The following ATP2B2 variants were observed in gnomAD, a reference collection of about 807,000 sequenced individuals.
ATP2B2 encodes the protein plasma membrane calcium-transporting ATPase 2.
Under a neutral mutation model 120.0 loss-of-function variants are expected in ATP2B2, and 15 were observed. That is an observed-to-expected ratio of 0.12 (90% CI 0.08 to 0.19). The LOEUF is 0.19. Among genes scored for constraint, ATP2B2 ranks in the 10% least tolerant of loss-of-function variants. The pLI is 1.00. For missense variants in ATP2B2, 1,045 were observed against 1,719.8 expected (o/e 0.61, Z 6.94); for synonymous variants, 694 against 700.3 (o/e 0.99, Z 0.14).
intron 2 of ATP2B2, among the ~76,000 whole-genome samples, chr3:10,615,692 C>G (rs1207490249): frequency 1.3e-5 from 2 of 152,196 alleles, no homozygotes; most frequent in Non-Finnish European, 2.9e-5. Flanking sequence ...TAGTCCTTCT[C>G]TCCACCACTG....
intron 2 of ATP2B2, among the ~76,000 whole-genome samples, chr3:10,549,085 T>C (rs2067611526): frequency 6.6e-6 from 1 of 152,186 alleles, no homozygotes; most frequent in Admixed American, 6.5e-5. Context: ...ATTGTGGGGA[T>C]CAGGTTAAAA....
chr3:10,439,495 G>A lies in ATP2B2; in HGVS notation c.199+9850C>T, dbSNP rs2063585764. ...AAGACCCCTGGGCCAGGCACATTGTGTGTTCTCTCATTTAATCCACAGTCA... is the reference window on the plus strand; with the variant it reads ...AAGACCCCTGGGCCAGGCACATTGTATGTTCTCTCATTTAATCCACAGTCA... On this transcript the variant is annotated intron_variant, in intron 2 of 22. Transcript: ENST00000360273. Among the ~76,000 whole-genome samples the A allele has an allele frequency of 1.3e-5, 2 of 152,172 alleles. 1 individual carries two copies. Among genetic ancestry groups the A allele is most frequent in the South Asian group, 4.1e-4 (2 of 4,830 alleles).
At chr3:10,495,890 G>GTC (rs1228422247) in intron 1 of ATP2B2, among the ~76,000 whole-genome samples, 2 of 152,246 alleles carry the variant, frequency 1.3e-5, no homozygotes, top group African/African-American at 2.4e-5. Context: ...GGCACCCGCA[G>GTC]TCGTATACCA....
rs1414895247 is a variant in ATP2B2 at position 10,396,865 on chromosome 3, G to T, written c.781+4088C>A. ...TATAATCAGAAAGGGGGGGAAGCTT[G>T]TTGGGGGTCCCTGGCTAAGGAGTAG... On this transcript the variant is annotated intron_variant, in intron 5 of 22. Transcript: ENST00000360273. Among the ~76,000 whole-genome samples, 8 of 152,080 alleles carry T rather than the reference G, an allele frequency of 5.3e-5. No individual in the cohort carries two copies. The East Asian group carries it at 1.4e-3, about 26-fold the overall frequency.
At chr3:10,429,705 T>C (rs1209115506) in intron 2 of ATP2B2, among the ~76,000 whole-genome samples, 1 of 152,122 alleles carries the variant, frequency 6.6e-6, no homozygotes, top group Non-Finnish European at 1.5e-5. Context: ...AAGCTAGAAA[T>C]GATTAAGCTT....
At chr3:10,667,055 G>A (rs572537095) in intron 1 of ATP2B2, among the ~76,000 whole-genome samples, 11 of 152,306 alleles carry the variant, frequency 7.2e-5, no homozygotes, top group Non-Finnish European at 1.5e-4. Context: ...GGATACCCAG[G>A]AGATCCTGCT....
chr3:10,589,760 G>T (rs1275755425), intron 2 of ATP2B2, among the ~76,000 whole-genome samples: 1 of 152,136 alleles, frequency 6.6e-6, no homozygotes, highest in Non-Finnish European at 1.5e-5. Flanking sequence ...TAATGAGAAC[G>T]AATAAACACT....
At chr3:10,504,048 TACTATA>T (rs2066502266) in intron 1 of ATP2B2, among the ~76,000 whole-genome samples, 1 of 152,184 alleles carries the variant, frequency 6.6e-6, no homozygotes, top group Non-Finnish European at 1.5e-5. Flanking sequence ...TACTTATGGG[TACTATA>T]TTTGTATCTG....
chr3:10,695,251 G>GGAGGGGGAGAGAGAGAGAGAGAGAGAGA (rs60247955), intron 1 of ATP2B2, among the ~76,000 whole-genome samples: 1 of 126,908 alleles, frequency 7.9e-6, no homozygotes. Context: ...AGGGAGGGAG[G>GGAGGGGGAGAGAGAGAGAGAGAGAGAGA]GAGAGAGAGA....
intron 1 of ATP2B2, among the ~76,000 whole-genome samples, chr3:10,662,758 C>T (rs1294324065): frequency 3.9e-5 from 6 of 151,902 alleles, no homozygotes; most frequent in African/African-American, 7.3e-5. Context: ...ACCTAAAGGA[C>T]TATAAATCAT....
intron 1 of ATP2B2, among the ~76,000 whole-genome samples, chr3:10,702,428 G>T (rs1215354919): frequency 6.6e-6 from 1 of 152,180 alleles, no homozygotes; most frequent in African/African-American, 2.4e-5. Flanking sequence ...GCACTCTTAG[G>T]ATCGCTTTTA....
chr3:10,477,307 G>A (rs2065241464), intron 1 of ATP2B2, among the ~76,000 whole-genome samples: 1 of 152,248 alleles, frequency 6.6e-6, no homozygotes, highest in Non-Finnish European at 1.5e-5. Flanking sequence ...CGCTCTGGAA[G>A]TTTCATAGCT....
chr3:10,430,676 C>A (rs1042530633), intron 2 of ATP2B2, among the ~76,000 whole-genome samples: 2 of 151,862 alleles, frequency 1.3e-5, no homozygotes, highest in African/African-American at 2.4e-5. Flanking sequence ...CACTAGGATG[C>A]ATTTGGAGAA....
chr3:10,486,325 G>GTGTGTGCA (rs1491481873), intron 1 of ATP2B2, among the ~76,000 whole-genome samples: 1 of 30,508 alleles, frequency 3.3e-5, no homozygotes, highest in East Asian at 2.1e-3. Flanking sequence ...GTGTGCGTGC[G>GTGTGTGCA]TGTGTGTGTG....
intron 1 of ATP2B2, among the ~76,000 whole-genome samples, chr3:10,657,947 G>A (rs922551681): frequency 2.2e-4 from 33 of 152,190 alleles, no homozygotes; most frequent in Non-Finnish European, 4.6e-4. Flanking sequence ...AGCAATATTC[G>A]CTGTTCTGCA....
upstream of ATP2B2, among the ~76,000 whole-genome samples, chr3:10,505,940 G>A (rs1159905166): frequency 6.6e-6 from 1 of 152,140 alleles, no homozygotes; most frequent in Non-Finnish European, 1.5e-5. Flanking sequence ...GGCACGGAGA[G>A]GGTAGGGCTG....
intron 2 of ATP2B2, among the ~76,000 whole-genome samples, chr3:10,556,498 G>A (rs750993426): frequency 1.1e-4 from 16 of 152,196 alleles, no homozygotes; most frequent in Non-Finnish European, 1.5e-4. Context: ...TGACAGGAAG[G>A]GCTTCTGTCT....
chr3:10,704,976 G>C (rs1357913266), intron 1 of ATP2B2, among the ~76,000 whole-genome samples: 1 of 152,128 alleles, frequency 6.6e-6, no homozygotes, highest in African/African-American at 2.4e-5. Flanking sequence ...CCCTTAAGTA[G>C]GTTAATATTT....
chr3:10,673,629 G>A (rs577693501), intron 1 of ATP2B2, among the ~76,000 whole-genome samples: 4 of 151,702 alleles, frequency 2.6e-5, no homozygotes, highest in South Asian at 2.1e-4. Flanking sequence ...GCAAGACCTC[G>A]TCTCTACCAA....
Sources: allele counts gnomAD v4.1 joint callset (sites outside exome capture counted in the v4.1 genomes callset), GRCh38; gene constraint gnomAD v4.1.1; transcripts MANE v1.5; gene names NCBI Gene and HGNC (gene_info 2026-07-23, HGNC 2026-07-21).